The following CNOT1 variants were observed in gnomAD, a reference collection of about 807,000 sequenced individuals.
CNOT1 encodes CCR4-NOT transcription complex subunit 1, also known as CCR4-associated factor 1.
Under a neutral mutation model 273.8 loss-of-function variants are expected in CNOT1, and 15 were observed. The ratio of observed to expected loss-of-function variants is 0.05; its 90% CI spans 0.04 to 0.08. CNOT1 has a LOEUF of 0.08. CNOT1 is among the 10% of genes least tolerant of loss of function. The pLI is 1.00. For missense variants in CNOT1, 1,644 were observed against 2,912.2 expected, an observed-to-expected ratio of 0.56 and a Z score of 10.02; for synonymous variants, 1,022 against 1,005.5, an observed-to-expected ratio of 1.02 and a Z score of -0.31.
chr16:58,542,534 T>C lies in CNOT1; in HGVS notation c.4469A>G (p.Gln1490Arg). 1 of 1,504,182 alleles carries C rather than the reference T, an allele frequency of 6.6e-7. No individual in the cohort carries two copies. Among genetic ancestry groups the C allele is most frequent in the Non-Finnish European group, 8.9e-7 (1 of 1,117,842 alleles). The allele number at this position is 1,504,182 out of a possible 1,614,324, so 93.2% of individuals were successfully genotyped here. The change falls in exon 32 of 49, where the codon CAG becomes CGG. Residue 1490 changes from glutamine (Q) to arginine (R), a missense_variant. Physicochemically the swap from Gln to Arg is conservative, Grantham distance 43. This residue lies in a region of CNOT1 where 133 missense variants were observed against 230.4 expected (regional missense o/e 0.58). Transcript: ENST00000317147. ...GTCCTGAGCTAATTGAGCAGCTGCC[T>C]GATCCATCATTTCTCTTTGTTGTGG... Reference protein sequence around the residue: ...ASPQQREMMDQAAAQLAQDNC... With the variant: ...ASPQQREMMDRAAAQLAQDNC...
chr16:58,523,153 G>A (rs1047525820), intron 47 of CNOT1: 3 of 327,278 alleles, frequency 9.2e-6, no homozygotes, highest in South Asian at 9.5e-5. Context: ...GCTAAGGCAC[G>A]AGAATCGCTT....
Position 58,547,103 on chromosome 16 carries a change from T to C in CNOT1, c.3750+83A>G. ...TTAACTAGCTTTACCTCACAAGAAC[T>C]AAGAATATAATCTCTTGACCTCATG... On this transcript the variant is annotated intron_variant, in intron 27 of 48. Coordinates refer to ENST00000317147, the MANE Select transcript of CNOT1 (RefSeq NM_016284.5). The surrounding 1 kb of genome is among the most constrained non-coding windows in gnomAD (Gnocchi z 4.0). The C allele has an allele frequency of 6.6e-7, 1 of 1,510,254 alleles. No individual in the cohort carries two copies. Among genetic ancestry groups the C allele is most frequent in the Non-Finnish European group, 8.9e-7 (1 of 1,127,104 alleles). 93.6% of individuals were successfully genotyped at this position (1,510,254 alleles called of 1,614,324 possible). A position where few individuals can be genotyped will look rare whatever the true frequency, so the allele number is the denominator to read the frequency against.
Position 58,558,693 on chromosome 16 carries a change from A to T in CNOT1, c.2131-19T>A. The T allele has an allele frequency of 1.2e-6, 2 of 1,606,422 alleles. No individual in the cohort carries two copies. The highest frequency in any genetic ancestry group is 1.7e-6 in the Non-Finnish European group (2 of 1,176,216). ...GGTCAATCTAAAGAAAAACATTATA[A>T]AAATGTATTAAACATACTTCGAGGA... On this transcript the variant is annotated intron_variant, in intron 17 of 48. Coordinates refer to ENST00000317147, the MANE Select transcript of CNOT1 (RefSeq NM_016284.5).
At chr16:58,608,535 C>T (rs1246224464) in intron 1 of CNOT1, among the ~76,000 whole-genome samples, 3 of 135,510 alleles carry the variant, frequency 2.2e-5, no homozygotes, top group Non-Finnish European at 4.6e-5. Context: ...GCCTGGGTGA[C>T]GTAGTGAGAC....
rs780462497 is a variant in CNOT1, at chr16:58,574,631, C to A, written c.1957G>T (p.Ala653Ser). ...LPPETLATML[A>S]CLQACAGSVS... is the part of the protein sequence containing the mutation. ...TACCCTGCACAAGCTTGCAGACAGG[C>A]CAACATTGTCGCCAAAGTTTCTGGA... Residue 653 changes from alanine to serine, a missense_variant, in exon 16 of 49, where the codon GCC becomes TCC. Ala to Ser is a moderately conservative substitution (Grantham distance 99, BLOSUM62 1). This residue lies in a region of CNOT1 where 706 missense variants were observed against 1,021.2 expected (regional missense o/e 0.69). Coordinates refer to ENST00000317147, the MANE Select transcript of CNOT1 (RefSeq NM_016284.5). 5 of 1,598,522 alleles carry A rather than the reference C, an allele frequency of 3.1e-6. No homozygotes were observed. The highest frequency in any genetic ancestry group is 4.2e-6 in the Non-Finnish European group (5 of 1,176,828).
At chr16:58,613,148 C>T (rs973867345) in intron 1 of CNOT1, among the ~76,000 whole-genome samples, 12 of 152,088 alleles carry the variant, frequency 7.9e-5, no homozygotes, top group African/African-American at 2.4e-4. Context: ...TCTCCTGCCT[C>T]GGGATCCTAA....
intron 2 of CNOT1, among the ~76,000 whole-genome samples, chr16:58,589,140 C>A (rs189017446): frequency 7.9e-5 from 12 of 152,232 alleles, no homozygotes; most frequent in Admixed American, 7.2e-4. Flanking sequence ...GGACTCACAG[C>A]GTCTTCTCGC....
chr16:58,597,462 G>A, intron 2 of CNOT1: 1 of 194,162 alleles, frequency 5.2e-6, no homozygotes, highest in South Asian at 8.5e-5. Context: ...GTGACAGAGT[G>A]AAACTCTGTC....
In CNOT1 at chr16:58,525,998, G is replaced by C; in HGVS notation, c.6594C>G (p.Ser2198Arg). The change falls in exon 45 of 49, where the codon AGC (serine) becomes AGG (arginine). Residue 2198 changes from serine to arginine, a missense_variant. Ser to Arg is a moderately radical substitution (Grantham distance 110, BLOSUM62 -1). Transcript: ENST00000317147. The part of the protein sequence containing the change: ...SPVTFLSDLR[S>R]NLQVSNEPGN... ...AGCCAAACCAATTAACCTGTAGGTT[G>C]CTGCGCAGATCAGACAGGAAAGTGA... is the stretch of plus-strand genomic sequence containing the variant. The C allele has an allele frequency of 6.2e-7, 1 of 1,614,018 alleles. No homozygotes were observed.
At chr16:58,608,731 G>A (rs1002970050) in intron 1 of CNOT1, among the ~76,000 whole-genome samples, 14 of 152,064 alleles carry the variant, frequency 9.2e-5, no homozygotes, top group Admixed American at 4.6e-4. Flanking sequence ...ATCCATCAAC[G>A]AGTGGATAAA....
At chr16:58,534,483 T>C in intron 39 of CNOT1, 88 bp from the exon 40 acceptor site, 1 of 1,346,840 alleles carries the variant, frequency 7.4e-7, no homozygotes, top group Non-Finnish European at 1.0e-6. Context: ...TTAAGAGATA[T>C]TCTCATTTGT....
intron 36 of CNOT1, 84 bp downstream of exon 36, chr16:58,538,687 GA>G: frequency 5.2e-6 from 8 of 1,549,084 alleles, no homozygotes; most frequent in Non-Finnish European, 6.1e-6. Context: ...AGAAAAAAGG[GA>G]AACCCCTGGA....
At position 58,555,294 on chromosome 16, in the gene CNOT1, T is replaced by C; in HGVS notation, c.2848A>G (p.Met950Val). 2.5e-6 allele frequency: 4 copies of C among 1,614,148 alleles called. No homozygotes were observed. Among genetic ancestry groups the C allele is most frequent in the Non-Finnish European group, 3.4e-6 (4 of 1,180,034 alleles). ...AGTGCAGCAATCCCGAAATAATACA[T>C]TTTGGATCCAAAAGGCTTGCGTAAG... ...EALRKPFGSKMYYFGIAALDR... is the reference protein window; with the variant it reads ...EALRKPFGSKVYYFGIAALDR... The change falls in exon 21 of 49, where the codon ATG becomes GTG. Residue 950 changes from methionine to valine, a missense_variant. Met to Val is a conservative substitution (Grantham distance 21). Transcript: ENST00000317147.
chr16:58,548,850 T>C (rs1420423634), intron 25 of CNOT1, among the ~76,000 whole-genome samples: 1 of 152,228 alleles, frequency 6.6e-6, no homozygotes, highest in African/African-American at 2.4e-5. Context: ...TAAAGATATC[T>C]TGCACTTGAA....
chr16:58,597,179 ATGGCTCATGCC>A (rs773975543), intron 2 of CNOT1, among the ~76,000 whole-genome samples: 29 of 151,530 alleles, frequency 1.9e-4, no homozygotes, highest in Non-Finnish European at 3.2e-4. Flanking sequence ...GCCAGGCGTG[ATGGCTCATGCC>A]TGTAATCACA....
At chr16:58,529,840 C>CAAAAAAA (rs58854069) in intron 43 of CNOT1, among the ~76,000 whole-genome samples, 7 of 69,396 alleles carry the variant, frequency 1.0e-4, no homozygotes, top group African/African-American at 3.1e-4. Flanking sequence ...GACTCTGTCT[C>CAAAAAAA]AAAAAAAAAA....
At chr16:58,549,546 A>G (rs915468205) in intron 25 of CNOT1, among the ~76,000 whole-genome samples, 173 bp downstream of exon 25, 1 of 152,194 alleles carries the variant, frequency 6.6e-6, no homozygotes, top group African/African-American at 2.4e-5. Flanking sequence ...ATGCCTATAA[A>G]TTTAAGTTCT....
At chr16:58,601,376 C>T (rs1015844681) in intron 1 of CNOT1, among the ~76,000 whole-genome samples, 2 of 152,136 alleles carry the variant, frequency 1.3e-5, no homozygotes, top group African/African-American at 2.4e-5. Context: ...GGATTACAGG[C>T]GTGAGCCACT....
At chr16:58,597,734 T>C (rs1393599656) in intron 2 of CNOT1, 1 of 514,386 alleles carries the variant, frequency 1.9e-6, no homozygotes, top group Non-Finnish European at 4.0e-6. Context: ...GAGGGTGTGA[T>C]GGTGGCCCAC....
Sources: gnomAD v4.1 joint callset for allele counts (sites outside exome capture counted in the v4.1 genomes callset) on GRCh38, gnomAD v4.1.1 for gene constraint, gnomAD v4.1.1 regional missense constraint, Gnocchi (gnomAD v3.1) non-coding constraint, MANE v1.5 for transcripts, NCBI Gene and HGNC (gene_info 2026-07-23, HGNC 2026-07-21) for gene names.